The following KPNA1 variants were observed in gnomAD, a reference collection of about 807,000 sequenced individuals.
KPNA1 encodes the protein importin subunit alpha-5.
Under a neutral mutation model 70.5 loss-of-function variants are expected in KPNA1, and 10 were observed. The observed-to-expected ratio is 0.14, with a 90% confidence interval of 0.09 to 0.24. The LOEUF is 0.24. KPNA1 is among the 10% of genes least tolerant of loss of function. The probability of loss-of-function intolerance (pLI) is 1.00; values close to 1 mark genes in which losing one functional copy is unlikely to be tolerated. For synonymous variants in KPNA1, 192 were observed against 221.9 expected, an observed-to-expected ratio of 0.87 and a Z score of 1.20; for missense variants, 397 against 637.9, an observed-to-expected ratio of 0.62 and a Z score of 4.07.
In KPNA1 at chr3:122,478,182, GAAAAAGAAAAAGAAAAA is replaced by G. The variant is rs2076525970; in HGVS notation, c.130-10770_130-10754del. 6.9e-5 allele frequency among the ~76,000 whole-genome samples: 9 copies of G among 129,922 alleles called. 1 individual carries two copies. In the South Asian group the frequency reaches 1.9e-3, roughly 28 times the overall value. 85.2% of individuals were successfully genotyped at this position (129,922 alleles called of 152,430 possible). On this transcript the variant is annotated intron_variant, in intron 2 of 13. Coordinates refer to ENST00000344337, the MANE Select transcript of KPNA1 (RefSeq NM_002264.4). ...TCTCAAAAAAAAAAAAAAAAGAAAA[GAAAAAGAAAAAGAAAAA>G]AGGGTCCAAAGAGAGGAAATGGTGC... is the stretch of plus-strand genomic sequence containing the variant.
chr3:122,480,439 T>TAA lies in KPNA1; in HGVS notation c.130-13012_130-13011dup, dbSNP rs55762344. On this transcript the variant is annotated intron_variant, in intron 2 of 13. Coordinates refer to ENST00000344337, the MANE Select transcript of KPNA1 (RefSeq NM_002264.4). ...AGTTTTGAGGGGAACCAAAAACTGC[T>TAA]AAAAAAAAAAAATTAATTAAGGTCT... 1.3e-3 allele frequency among the ~76,000 whole-genome samples: 185 copies of TAA among 145,590 alleles called. 2 individuals carry two copies. In the East Asian group the frequency reaches 0.019, roughly 15 times the overall value.
Position 122,426,831 on chromosome 3 carries a change from G to T in KPNA1, c.*154C>A, listed in dbSNP as rs889190688. ...AGAGAGCCGGAGGTTTTCCAGATGTGTGTAAGAGAGCAGGTGCGCAAGGCA... is the reference window on the plus strand; with the variant it reads ...AGAGAGCCGGAGGTTTTCCAGATGTTTGTAAGAGAGCAGGTGCGCAAGGCA... On this transcript the variant is annotated 3_prime_UTR_variant, in exon 14 of 14. Transcript: ENST00000344337. 3.4e-6 allele frequency: 2 copies of T among 595,680 alleles called. No homozygotes were observed. The highest frequency in any genetic ancestry group is 1.9e-5 in the African/African-American group (1 of 53,764). 36.9% of individuals were successfully genotyped at this position (595,680 alleles called of 1,614,324 possible).
At chr3:122,510,353 GA>G (rs1234607757) in intron 1 of KPNA1, among the ~76,000 whole-genome samples, 3 of 152,176 alleles carry the variant, frequency 2.0e-5, no homozygotes, top group Admixed American at 6.5e-5. Context: ...TAACAACTAT[GA>G]AATAGGCCTA....
intron 2 of KPNA1, among the ~76,000 whole-genome samples, chr3:122,474,642 G>A (rs1254371426): frequency 6.6e-6 from 1 of 152,020 alleles, no homozygotes; most frequent in African/African-American, 2.4e-5. Flanking sequence ...TCAACAAACA[G>A]CACATTAAAA....
chr3:122,459,768 C>T lies in KPNA1; in HGVS notation c.432+1456G>A, dbSNP rs554136647. 6 of 985,426 alleles carry T rather than the reference C, an allele frequency of 6.1e-6. No individual in the cohort carries two copies. In the East Asian group the frequency reaches 5.7e-4, roughly 93 times the overall value. 61.0% of individuals were successfully genotyped at this position (985,426 alleles called of 1,614,324 possible). On this transcript the variant is annotated intron_variant, in intron 5 of 13. Coordinates refer to ENST00000344337, the MANE Select transcript of KPNA1 (RefSeq NM_002264.4). ...GAAAAACTGATGTGACATTGAAGTA[C>T]TCTACCTTTTCTGGATTTCTTGTTT...
intron 3 of KPNA1, among the ~76,000 whole-genome samples, chr3:122,466,696 A>T (rs1232518455): frequency 6.6e-6 from 1 of 152,158 alleles, no homozygotes; most frequent in Non-Finnish European, 1.5e-5. Context: ...ATCAATAAAA[A>T]ATCATTATTT....
chr3:122,464,529 T>C (rs761107536), intron 3 of KPNA1, among the ~76,000 whole-genome samples: 9 of 152,244 alleles, frequency 5.9e-5, no homozygotes, highest in Non-Finnish European at 1.3e-4. Flanking sequence ...TGTCTTACTC[T>C]ATCACTAAGG....
chr3:122,513,957 A>G (rs772614859), intron 1 of KPNA1, among the ~76,000 whole-genome samples: 3 of 152,204 alleles, frequency 2.0e-5, no homozygotes, highest in Non-Finnish European at 4.4e-5. Context: ...CTTAAAAATC[A>G]AATATTTTGA....
rs1404379801 is a variant in KPNA1 at position 122,425,343 on chromosome 3, G to A, written c.*1642C>T. The A allele has an allele frequency of 6.6e-6, 1 of 152,584 alleles. No individual in the cohort carries two copies. Among genetic ancestry groups the A allele is most frequent in the East Asian group, 1.9e-4 (1 of 5,188 alleles). 9.5% of individuals were successfully genotyped at this position (152,584 alleles called of 1,614,324 possible). A position where few individuals can be genotyped will look rare whatever the true frequency, so the allele number is the denominator to read the frequency against. ...ACCAGAGATGTATAATAGCTTGTCA[G>A]GGGCAACTTCCAAATAGTTTTTACA... On this transcript the variant is annotated 3_prime_UTR_variant, in exon 14 of 14. Transcript: ENST00000344337.
chr3:122,509,163 T>C (rs879634589), intron 1 of KPNA1, among the ~76,000 whole-genome samples: 13 of 151,726 alleles, frequency 8.6e-5, no homozygotes, highest in Admixed American at 1.3e-4. Context: ...GAACAATGGC[T>C]TAAGCCCAGG....
chr3:122,431,928 C>T (rs565118937), intron 12 of KPNA1, among the ~76,000 whole-genome samples: 2 of 151,906 alleles, frequency 1.3e-5, no homozygotes, highest in Non-Finnish European at 1.5e-5. Context: ...CTCAGCCCCA[C>T]AAGTAGCTGG....
intron 2 of KPNA1, among the ~76,000 whole-genome samples, chr3:122,480,348 A>C (rs2076556860): frequency 6.6e-6 from 1 of 152,198 alleles, no homozygotes; most frequent in African/African-American, 2.4e-5. Context: ...GGGGATGCTG[A>C]CAATGCCGGA....
At chr3:122,466,819 A>C (rs1360435694) in intron 3 of KPNA1, among the ~76,000 whole-genome samples, 1 of 152,022 alleles carries the variant, frequency 6.6e-6, no homozygotes, top group Non-Finnish European at 1.5e-5. Context: ...TGGGCAACAC[A>C]GTGAGATCCT....
chr3:122,450,205 GA>G (rs988420107), intron 8 of KPNA1, among the ~76,000 whole-genome samples: 15 of 151,338 alleles, frequency 9.9e-5, no homozygotes, highest in African/African-American at 3.1e-4. Flanking sequence ...AAATCAGCAA[GA>G]AAAAAAAATC....
chr3:122,464,239 A>C (rs1274809733), intron 3 of KPNA1, 198 bp from the exon 4 acceptor site: 1 of 392,356 alleles, frequency 2.5e-6, no homozygotes, highest in Non-Finnish European at 4.5e-6. Context: ...GTCTATCATT[A>C]AAAAGCTCAC....
At chr3:122,479,430 C>T (rs1006239830) in intron 2 of KPNA1, among the ~76,000 whole-genome samples, 1 of 152,126 alleles carries the variant, frequency 6.6e-6, no homozygotes, top group Non-Finnish European at 1.5e-5. Context: ...AATGGTACAG[C>T]CACTTTGGAA....
At chr3:122,469,258 GA>G (rs2076415333) in intron 2 of KPNA1, among the ~76,000 whole-genome samples, 4 of 151,732 alleles carry the variant, frequency 2.6e-5, no homozygotes, top group African/African-American at 9.7e-5. Flanking sequence ...GCATAACAAA[GA>G]AATTCCCCAG....
At position 122,422,179 on chromosome 3, in the gene KPNA1, T is replaced by G. The variant is rs949428232; in HGVS notation, c.*4806A>C. On this transcript the variant is annotated 3_prime_UTR_variant, in exon 14 of 14. Transcript: ENST00000344337. ...ATTTTTGACATTCCTTGGGATGATATTCCTTTAGGAAGAAGTAGACTGTGT... is the reference window on the plus strand; with the variant it reads ...ATTTTTGACATTCCTTGGGATGATAGTCCTTTAGGAAGAAGTAGACTGTGT... 1 of 152,182 alleles carries G rather than the reference T, an allele frequency of 6.6e-6. No homozygotes were observed. The highest frequency in any genetic ancestry group is 1.5e-5 in the Non-Finnish European group (1 of 68,020). 9.4% of individuals were successfully genotyped at this position (152,182 alleles called of 1,614,324 possible). A position where few individuals can be genotyped will look rare whatever the true frequency, so the allele number is the denominator to read the frequency against.
chr3:122,472,690 T>C (rs993838435), intron 2 of KPNA1, among the ~76,000 whole-genome samples: 1 of 152,076 alleles, frequency 6.6e-6, no homozygotes, highest in South Asian at 2.1e-4. Context: ...TCTAGCCAAG[T>C]AGACTAACAA....
Sources: gnomAD v4.1 joint callset for allele counts (sites outside exome capture counted in the v4.1 genomes callset) on GRCh38, gnomAD v4.1.1 for gene constraint, MANE v1.5 for transcripts, NCBI Gene and HGNC (gene_info 2026-07-23, HGNC 2026-07-21) for gene names.